PAG1: variants seen among roughly 807,000 people sequenced by gnomAD.
The protein encoded by PAG1 is phosphoprotein membrane anchor with glycosphingolipid microdomains 1.
In PAG1, 23 loss-of-function variants were observed where a neutral mutation model predicts 31.7. That is an observed-to-expected ratio of 0.73 (90% CI 0.52 to 1.03). The LOEUF is 1.03. PAG1 is among the 50% of genes least tolerant of loss of function. The pLI, the probability that PAG1 is intolerant of heterozygous loss-of-function variation, is 0.00. For synonymous variants in PAG1, 214 were observed against 210.3 expected (o/e 1.02, Z -0.15); for missense variants, 473 against 540.7 (o/e 0.87, Z 1.24).
In PAG1 at chr8:80,984,929, A is replaced by G. The variant is rs1197764398; in HGVS notation, c.723T>C (p.Asn241=). ...DRNKKCRQSV[N]VESILGNSCD... The stretch of plus-strand genomic sequence containing the variant: ...ATGAATTTCCAAGGATACTCTCTAC[A>G]TTAACACTTTGACGACATTTTTTGT... Residue 241 remains asparagine (N), a synonymous_variant, in exon 7 of 9, where the codon AAT becomes AAC. Coordinates refer to ENST00000220597, the MANE Select transcript of PAG1 (RefSeq NM_018440.4). 29 of 1,614,004 alleles carry G rather than the reference A, an allele frequency of 1.8e-5. No individual in the cohort carries two copies. The highest frequency in any genetic ancestry group is 8.0e-5 in the African/African-American group (6 of 74,904).
At chr8:81,110,516 G>A (rs553156449) in intron 1 of PAG1, among the ~76,000 whole-genome samples, 5 of 152,294 alleles carry the variant, frequency 3.3e-5, no homozygotes, top group South Asian at 2.1e-4. Context: ...TCAAAGTAGG[G>A]CACTGCAGCT....
At chr8:81,025,951 C>T (rs1405662357) in intron 3 of PAG1, among the ~76,000 whole-genome samples, 1 of 152,082 alleles carries the variant, frequency 6.6e-6, no homozygotes, top group Non-Finnish European at 1.5e-5. Context: ...GTTAAGCAAG[C>T]TCTGCTATGG....
chr8:81,087,162 G>A (rs530010663), intron 1 of PAG1, among the ~76,000 whole-genome samples: 3 of 152,262 alleles, frequency 2.0e-5, no homozygotes, highest in Non-Finnish European at 2.9e-5. Flanking sequence ...GACCAACATG[G>A]TGAAACCCCG....
rs1258906731 is a variant in PAG1 at position 80,971,388 on chromosome 8, G to C, written c.*5156C>G. ...GAAATGCCAATTCCTATTTATAACA[G>C]ACCTTTTTTGTTTAGATATATTTCA... On this transcript the variant is annotated 3_prime_UTR_variant, in exon 9 of 9. Transcript: ENST00000220597. The C allele has an allele frequency of 6.6e-6, 1 of 152,126 alleles. No individual in the cohort carries two copies. Among genetic ancestry groups the C allele is most frequent in the Non-Finnish European group, 1.5e-5 (1 of 67,996 alleles). 9.4% of individuals were successfully genotyped at this position (152,126 alleles called of 1,614,324 possible). A position where few individuals can be genotyped will look rare whatever the true frequency, so the allele number is the denominator to read the frequency against.
rs150151939 is a variant in PAG1 at position 81,093,063 on chromosome 8, T to C, written c.-234+18528A>G. On this transcript the variant is annotated intron_variant, in intron 1 of 8. Coordinates refer to ENST00000220597, the MANE Select transcript of PAG1 (RefSeq NM_018440.4). ...AAAAATACTTGCTCCTTAATAAATG[T>C]TTAATAAGTGAAGACATATACTAAA... 6.6e-3 allele frequency among the ~76,000 whole-genome samples: 1,000 copies of C among 152,322 alleles called. 6 individuals carry two copies. The highest frequency in any genetic ancestry group is 0.02 in the South Asian group (99 of 4,832).
At chr8:81,064,733 T>C (rs1228825135) in intron 2 of PAG1, among the ~76,000 whole-genome samples, 1 of 152,134 alleles carries the variant, frequency 6.6e-6, no homozygotes, top group African/African-American at 2.4e-5. Context: ...AAAGTAGTTC[T>C]TACGATCTTC....
At chr8:80,999,346 C>T (rs1450510847) in intron 3 of PAG1, among the ~76,000 whole-genome samples, 1 of 152,182 alleles carries the variant, frequency 6.6e-6, no homozygotes, top group Non-Finnish European at 1.5e-5. Context: ...GAGTCAGGGG[C>T]AGAACACACC....
chr8:81,064,602 A>C (rs1808973077), intron 2 of PAG1, among the ~76,000 whole-genome samples: 1 of 152,236 alleles, frequency 6.6e-6, no homozygotes, highest in Admixed American at 6.5e-5. Context: ...ACAGACCTTA[A>C]CATAAACGGT....
chr8:81,112,015 A>G lies in PAG1; in HGVS notation c.-658T>C, dbSNP rs1809784025. 1.3e-5 allele frequency: 2 copies of G among 152,192 alleles called. No homozygotes were observed. The allele number at this position is 152,192 out of a possible 1,614,324, so 9.4% of individuals were successfully genotyped here. Reference sequence around the variant, plus strand: ...GGTCACATCGCGGGCGCGCAGACGGACAAGCGAGCGGGAGGGTACCGCAGC... The same window carrying G: ...GGTCACATCGCGGGCGCGCAGACGGGCAAGCGAGCGGGAGGGTACCGCAGC... On this transcript the variant is annotated 5_prime_UTR_variant, in exon 1 of 9. Transcript: ENST00000220597.
rs569359008 is a variant in PAG1 at position 80,976,606 on chromosome 8, T to C, written c.1237A>G (p.Lys413Glu). 3.1e-6 allele frequency: 5 copies of C among 1,614,146 alleles called. No individual in the cohort carries two copies. The highest frequency in any genetic ancestry group is 2.2e-5 in the East Asian group (1 of 44,894). The change falls in exon 9 of 9, where the codon AAG becomes GAG. Residue 413 changes from lysine to glutamate, a missense_variant. Transcript: ENST00000220597. ...GTNGHHGLVP[K>E]ENDYESISDL... ...CTTATGCTCTCGTAGTCGTTCTCCT[T>C]TGGGACGAGACCGTGGTGGCCATTG...
intron 8 of PAG1, 150 bp downstream of exon 8, chr8:80,980,285 A>G (rs1586138129): frequency 1.7e-6 from 1 of 589,576 alleles, no homozygotes; most frequent in East Asian, 2.9e-5. Flanking sequence ...AAGCCATTAT[A>G]AAACCAGCAT....
intron 1 of PAG1, among the ~76,000 whole-genome samples, chr8:81,101,264 G>A (rs1020798552): frequency 7.9e-5 from 12 of 152,064 alleles, no homozygotes; most frequent in African/African-American, 2.9e-4. Context: ...ATTCTACCTC[G>A]GACATACTGA....
At chr8:81,070,756 G>T (rs1809079728) in intron 1 of PAG1, among the ~76,000 whole-genome samples, 2 of 151,298 alleles carry the variant, frequency 1.3e-5, no homozygotes, top group Admixed American at 6.6e-5. Context: ...CTGTATTTTT[G>T]TTAACATGGC....
In PAG1 at chr8:81,105,131, G is replaced by A. The variant is rs11994395; in HGVS notation, c.-234+6460C>T. Among the ~76,000 whole-genome samples, 760 of 152,084 alleles carry A rather than the reference G, an allele frequency of 5.0e-3. 12 individuals carry two copies. Among genetic ancestry groups the A allele is most frequent in the African/African-American group, 0.017 (705 of 41,486 alleles). The stretch of plus-strand genomic sequence containing the variant: ...GGCTCTTCCAGACTCCATCAAGCCC[G>A]GCTGCGTTAGGAAAAGTCATCCCCT... On this transcript the variant is annotated intron_variant, in intron 1 of 8. Transcript: ENST00000220597.
intron 3 of PAG1, among the ~76,000 whole-genome samples, chr8:81,028,409 C>T (rs893012740): frequency 6.6e-6 from 1 of 152,194 alleles, no homozygotes; most frequent in Admixed American, 6.5e-5. Flanking sequence ...AGATGACGTA[C>T]ATAGGCTAAT....
intron 3 of PAG1, among the ~76,000 whole-genome samples, chr8:81,014,718 G>A (rs1333352830): frequency 6.6e-6 from 1 of 151,998 alleles, no homozygotes; most frequent in African/African-American, 2.4e-5. Context: ...AGCTTCCCCT[G>A]TCACTCAGAG....
intron 1 of PAG1, among the ~76,000 whole-genome samples, chr8:81,104,617 T>C (rs561605724): frequency 6.6e-6 from 1 of 152,258 alleles, no homozygotes; most frequent in East Asian, 1.9e-4. Flanking sequence ...AACTGCTCCA[T>C]CCTCTGTATT....
At chr8:81,071,213 T>C (rs1809088444) in intron 1 of PAG1, among the ~76,000 whole-genome samples, 1 of 152,154 alleles carries the variant, frequency 6.6e-6, no homozygotes, top group Non-Finnish European at 1.5e-5. Context: ...GACTCCACAG[T>C]GGCCAGCAAG....
At chr8:80,983,449 T>C (rs1225110008) in intron 7 of PAG1, among the ~76,000 whole-genome samples, 1 of 152,240 alleles carries the variant, frequency 6.6e-6, no homozygotes, top group Non-Finnish European at 1.5e-5. Flanking sequence ...GTACATGTTT[T>C]GTTTCCAGGA....
Sources: gnomAD v4.1 joint callset for allele counts (sites outside exome capture counted in the v4.1 genomes callset) on GRCh38, gnomAD v4.1.1 for gene constraint, MANE v1.5 for transcripts, NCBI Gene and HGNC (gene_info 2026-07-23, HGNC 2026-07-21) for gene names.